Variants in IPO7 observed in about 807,000 individuals in gnomAD.
The protein encoded by IPO7 is importin 7, also known as importin-7.
In IPO7, 13 loss-of-function variants were observed where a neutral mutation model predicts 136.4. The observed-to-expected ratio is 0.10, with a 90% CI of 0.06 to 0.15. The LOEUF is 0.15. IPO7 is among the 10% of genes least tolerant of loss of function. The pLI is 1.00. For missense variants in IPO7, 857 were observed against 1,240.6 expected, an observed-to-expected ratio of 0.69 and a Z score of 4.65; for synonymous variants, 403 against 404.4, an observed-to-expected ratio of 1.00 and a Z score of 0.04.
chr11:9,409,858 T>C (rs1238557394), intron 3 of IPO7, 70 bp from the exon 4 acceptor site: 2 of 1,193,338 alleles, frequency 1.7e-6, no homozygotes, highest in Non-Finnish European at 2.3e-6. Context: ...ACAGCTATTT[T>C]CCTTTCTATG....
At position 9,385,501 on chromosome 11, in the gene IPO7, A is replaced by G. The variant is rs1854540492; in HGVS notation, c.84+654A>G. 2.0e-5 allele frequency among the ~76,000 whole-genome samples: 3 copies of G among 152,270 alleles called. No homozygotes were observed. The South Asian group carries it at 6.2e-4, about 32-fold the overall frequency. ...AATGCTTCAGTCGGGGAGCTGGCTT[A>G]TGTAGTGGGAAGGATCAGGTGAAGT... On this transcript the variant is annotated intron_variant, in intron 1 of 24. Transcript: ENST00000379719.
chr11:9,406,981 C>G (rs370570865), intron 2 of IPO7, among the ~76,000 whole-genome samples: 1 of 152,206 alleles, frequency 6.6e-6, no homozygotes, highest in Non-Finnish European at 1.5e-5. Flanking sequence ...TTCATTCTGT[C>G]TTTGCTCAAG....
intron 2 of IPO7, among the ~76,000 whole-genome samples, chr11:9,407,250 G>T (rs754148133): frequency 1.6e-4 from 25 of 152,092 alleles, no homozygotes; most frequent in Non-Finnish European, 3.2e-4. Flanking sequence ...GGTCCTATTT[G>T]ATTCTTTATT....
intron 22 of IPO7, among the ~76,000 whole-genome samples, chr11:9,439,678 C>A (rs186995521): frequency 3.6e-4 from 55 of 151,588 alleles, no homozygotes; most frequent in Admixed American, 6.6e-4. Context: ...CGGGTTCAAG[C>A]GATTCTCCTG....
chr11:9,402,154 C>T (rs1292805733), intron 1 of IPO7, among the ~76,000 whole-genome samples: 1 of 152,118 alleles, frequency 6.6e-6, no homozygotes, highest in Non-Finnish European at 1.5e-5. Flanking sequence ...GTAATCCCAA[C>T]ACTTTGGGAG....
chr11:9,444,277 C>CT (rs1363193822), intron 24 of IPO7, among the ~76,000 whole-genome samples: 4 of 108,586 alleles, frequency 3.7e-5, no homozygotes, highest in African/African-American at 1.1e-4. Flanking sequence ...AACTCTGTCT[C>CT]TAAAAAAAAA....
chr11:9,435,494 T>C (rs996755278), intron 19 of IPO7, among the ~76,000 whole-genome samples: 34 of 152,210 alleles, frequency 2.2e-4, no homozygotes, highest in Non-Finnish European at 1.6e-4. Flanking sequence ...AGCATTTTAA[T>C]TTCTAGCAAT....
At chr11:9,442,060 C>A in intron 23 of IPO7, 21 bp from the exon 24 acceptor site, 2 of 1,193,376 alleles carry the variant, frequency 1.7e-6, no homozygotes, top group Non-Finnish European at 2.5e-6. Context: ...TTGTTTTTCC[C>A]TTGTTTTTAT....
At chr11:9,416,881 C>T (rs953426253) in intron 5 of IPO7, among the ~76,000 whole-genome samples, 178 bp from the exon 6 acceptor site, 25 of 152,264 alleles carry the variant, frequency 1.6e-4, no homozygotes, top group South Asian at 6.2e-4. Flanking sequence ...GGGAATATGG[C>T]AAGGATGCCC....
intron 5 of IPO7, among the ~76,000 whole-genome samples, chr11:9,415,793 G>A (rs1189400725): frequency 1.3e-5 from 2 of 150,652 alleles, no homozygotes; most frequent in African/African-American, 4.9e-5. Flanking sequence ...AGCCGAGATC[G>A]CACCACTGCA....
chr11:9,430,753 A>G (rs950192216), intron 15 of IPO7, 122 bp from the exon 16 acceptor site: 2 of 740,142 alleles, frequency 2.7e-6, no homozygotes, highest in African/African-American at 1.8e-5. Flanking sequence ...TCATTAATCA[A>G]TTTGGAGACA....
chr11:9,395,546 G>A (rs1006621248), intron 1 of IPO7, among the ~76,000 whole-genome samples: 10 of 152,022 alleles, frequency 6.6e-5, no homozygotes, highest in Non-Finnish European at 2.9e-5. Flanking sequence ...GCCCTCACTT[G>A]TTACCTTCTT....
In IPO7 at chr11:9,428,587, A is replaced by T; in HGVS notation, c.1383A>T (p.Val461=). 1 of 1,582,374 alleles carries T rather than the reference A, an allele frequency of 6.3e-7. No homozygotes were observed. The highest frequency in any genetic ancestry group is 2.2e-5 in the East Asian group (1 of 44,508). The change falls in exon 13 of 25, where the codon GTA becomes GTT. Residue 461 remains valine (V), a synonymous_variant. Coordinates refer to ENST00000379719, the MANE Select transcript of IPO7 (RefSeq NM_006391.3). The part of the protein sequence containing the change: ...DQMEYMLQNH[V]FPLFSSELGY... ...TGGAATACATGTTGCAGAATCATGT[A>T]TTCCCTCTCTTCAGCAGTGAACTAG...
intron 19 of IPO7, 37 bp downstream of exon 19, chr11:9,435,068 C>A (rs775300144): frequency 1.6e-6 from 2 of 1,220,224 alleles, no homozygotes; most frequent in Non-Finnish European, 1.2e-6. Flanking sequence ...CATGAGGCTT[C>A]TGCTATAAAA....
intron 24 of IPO7, among the ~76,000 whole-genome samples, chr11:9,442,867 C>A (rs1319375833): frequency 6.6e-6 from 1 of 151,882 alleles, no homozygotes; most frequent in African/African-American, 2.4e-5. Context: ...TACTAAAATA[C>A]AAAAAACTAG....
intron 15 of IPO7, chr11:9,430,376 G>A (rs190685991): frequency 1.9e-5 from 3 of 155,352 alleles, no homozygotes; most frequent in South Asian, 2.0e-4. Flanking sequence ...GGCAGGGTGC[G>A]GTTGGGATTT....
chr11:9,431,061 T>C lies in IPO7; in HGVS notation c.1881+58T>C, dbSNP rs930454409. ...AGCCATTTTATGCTTTTTAGAGGGCTCTAATATCTCTCTGGCATCTCATGT... is the reference window on the plus strand; with the variant it reads ...AGCCATTTTATGCTTTTTAGAGGGCCCTAATATCTCTCTGGCATCTCATGT... On this transcript the variant is annotated intron_variant, in intron 16 of 24. Coordinates refer to ENST00000379719, the MANE Select transcript of IPO7 (RefSeq NM_006391.3). 22 of 1,383,584 alleles carry C rather than the reference T, an allele frequency of 1.6e-5. No individual in the cohort carries two copies. In the African/African-American group the frequency reaches 3.0e-4, roughly 19 times the overall value. 85.7% of individuals were successfully genotyped at this position (1,383,584 alleles called of 1,614,324 possible). A position where few individuals can be genotyped will look rare whatever the true frequency, so the allele number is the denominator to read the frequency against.
chr11:9,443,043 A>G (rs1855480227), intron 24 of IPO7, among the ~76,000 whole-genome samples: 1 of 151,918 alleles, frequency 6.6e-6, no homozygotes. Context: ...GAAACAAAAA[A>G]AACTAGAGAA....
chr11:9,387,470 C>T (rs921695693), intron 1 of IPO7, among the ~76,000 whole-genome samples: 1 of 152,208 alleles, frequency 6.6e-6, no homozygotes, highest in Non-Finnish European at 1.5e-5. Flanking sequence ...CATCATACTC[C>T]CTATCTCCTT....
Sources: allele counts gnomAD v4.1 joint callset (sites outside exome capture counted in the v4.1 genomes callset), GRCh38; gene constraint gnomAD v4.1.1; transcripts MANE v1.5; gene names NCBI Gene and HGNC (gene_info 2026-07-23, HGNC 2026-07-21).